The following NTRK2 variants were observed in gnomAD, a reference collection of about 807,000 sequenced individuals.
The protein encoded by NTRK2 is BDNF/NT-3 growth factors receptor.
Under a neutral mutation model 94.5 loss-of-function variants are expected in NTRK2, and 13 were observed. The ratio of observed to expected loss-of-function variants is 0.14; its 90% CI spans 0.09 to 0.22. NTRK2 has a LOEUF of 0.22. Among genes scored for constraint, NTRK2 ranks in the 10% least tolerant of loss-of-function variants. NTRK2 has a pLI of 1.00. For synonymous variants in NTRK2, 372 were observed against 407.4 expected, an observed-to-expected ratio of 0.91 and a Z score of 1.05; for missense variants, 639 against 1,071.2, an observed-to-expected ratio of 0.60 and a Z score of 5.63.
At chr9:84,816,115 G>T (rs2072372349) in intron 12 of NTRK2, among the ~76,000 whole-genome samples, 1 of 151,892 alleles carries the variant, frequency 6.6e-6, no homozygotes, top group Non-Finnish European at 1.5e-5. Flanking sequence ...TCAATGCTCT[G>T]TTTCTCTATT....
intron 17 of NTRK2, among the ~76,000 whole-genome samples, chr9:84,962,313 C>T (rs576611969): frequency 2.3e-4 from 35 of 152,310 alleles, no homozygotes; most frequent in African/African-American, 8.2e-4. Flanking sequence ...AATCTCTTTC[C>T]TTGATGCAGA....
At chr9:84,673,915 A>C (rs1008403651) in intron 2 of NTRK2, among the ~76,000 whole-genome samples, 6 of 152,248 alleles carry the variant, frequency 3.9e-5, no homozygotes, top group African/African-American at 1.4e-4. Context: ...TGGTTATACC[A>C]CAGCAGTGTT....
At chr9:84,887,121 A>G (rs541777095) in intron 14 of NTRK2, among the ~76,000 whole-genome samples, 2 of 152,286 alleles carry the variant, frequency 1.3e-5, no homozygotes. Flanking sequence ...GGCGGAAAGT[A>G]TGTGGTTCAT....
At chr9:84,924,324 T>C (rs940233937) in intron 14 of NTRK2, among the ~76,000 whole-genome samples, 3 of 149,648 alleles carry the variant, frequency 2.0e-5, no homozygotes, top group African/African-American at 7.4e-5. Flanking sequence ...ATGCACACAG[T>C]GTGGGAGGTA....
At chr9:84,932,072 T>C (rs1024465642) in intron 14 of NTRK2, among the ~76,000 whole-genome samples, 1 of 152,220 alleles carries the variant, frequency 6.6e-6, no homozygotes, top group African/African-American at 2.4e-5. Flanking sequence ...CTGAACCACA[T>C]GAATTATCGG....
chr9:84,867,506 T>C (rs2132064147), intron 14 of NTRK2, 75 bp downstream of exon 14: 1 of 1,252,318 alleles, frequency 8.0e-7, no homozygotes, highest in Admixed American at 1.7e-5. Context: ...TCAGAGCCCC[T>C]GATAGGGATG....
rs1564548225 is a variant in NTRK2, at chr9:85,010,522, C to T, written c.2173-9684C>T. 2.0e-5 allele frequency among the ~76,000 whole-genome samples: 3 copies of T among 152,296 alleles called. No individual in the cohort carries two copies. In the South Asian group the frequency reaches 6.2e-4, roughly 32 times the overall value. ...TATAGCTTTGGAATGCACAACTTCC[C>T]ATTGCTGAGTGATGTGTAAACACAA... On this transcript the variant is annotated intron_variant, in intron 17 of 18. Coordinates refer to ENST00000277120, the MANE Select transcript of NTRK2 (RefSeq NM_006180.6).
intron 17 of NTRK2, among the ~76,000 whole-genome samples, chr9:85,016,242 C>T (rs1832210597): frequency 6.6e-6 from 1 of 152,156 alleles, no homozygotes; most frequent in Non-Finnish European, 1.5e-5. Flanking sequence ...AGGGTACCTG[C>T]TCAAGCTGGT....
chr9:84,789,225 T>C (rs1588613653), intron 12 of NTRK2, among the ~76,000 whole-genome samples: 1 of 152,236 alleles, frequency 6.6e-6, no homozygotes, highest in African/African-American at 2.4e-5. Context: ...CTACTGCCTG[T>C]CCTCAGGTAT....
intron 14 of NTRK2, chr9:84,871,933 T>C: frequency 6.2e-7 from 1 of 1,605,990 alleles, no homozygotes; most frequent in East Asian, 2.2e-5. Flanking sequence ...CCAGACAACA[T>C]CTTGACGTCA....
At chr9:85,017,078 A>G (rs1037374941) in intron 17 of NTRK2, among the ~76,000 whole-genome samples, 1 of 152,218 alleles carries the variant, frequency 6.6e-6, no homozygotes, top group African/African-American at 2.4e-5. Flanking sequence ...GACCAAAAAA[A>G]GTGGGTGCTG....
chr9:84,787,310 CAAACAAACA>C (rs1474378714), intron 12 of NTRK2, among the ~76,000 whole-genome samples: 1 of 151,494 alleles, frequency 6.6e-6, no homozygotes, highest in Non-Finnish European at 1.5e-5. Context: ...AACAAACAAA[CAAACAAACA>C]AAACAAACAA....
intron 14 of NTRK2, among the ~76,000 whole-genome samples, chr9:84,911,448 T>C (rs751224924): frequency 6.6e-6 from 1 of 152,172 alleles, no homozygotes; most frequent in Non-Finnish European, 1.5e-5. Context: ...AAATTCAATT[T>C]CCTTAAAAGT....
chr9:84,984,366 G>A (rs190653132), intron 17 of NTRK2, among the ~76,000 whole-genome samples: 1 of 152,242 alleles, frequency 6.6e-6, no homozygotes, highest in Non-Finnish European at 1.5e-5. Flanking sequence ...CCAGCTACTT[G>A]GTGGCTGAGG....
At chr9:84,855,294 A>G in intron 12 of NTRK2, among the ~76,000 whole-genome samples, 1 of 152,234 alleles carries the variant, frequency 6.6e-6, no homozygotes. Flanking sequence ...GAAGAAATCT[A>G]GGTGAGAGAT....
chr9:84,702,260 A>T lies in NTRK2; in HGVS notation c.287+27A>T, dbSNP rs1340234634. The T allele has an allele frequency of 1.9e-6, 3 of 1,612,844 alleles. No homozygotes were observed. The Admixed American group carries it at 5.0e-5, about 27-fold the overall frequency. On this transcript the variant is annotated intron_variant, in intron 3 of 18. Transcript: ENST00000277120. ...TGAGTACTCAGGACCAGGGCACATT[A>T]TCTCAGAGAATTTTCCTGTTGTCTG...
At chr9:84,718,771 T>C (rs140787702) in intron 6 of NTRK2, among the ~76,000 whole-genome samples, 2 of 152,364 alleles carry the variant, frequency 1.3e-5, no homozygotes, top group African/African-American at 2.4e-5. Context: ...AAATGGTTGA[T>C]CCTGCCTTGG....
At chr9:84,682,113 C>T (rs1341566939) in intron 2 of NTRK2, among the ~76,000 whole-genome samples, 2 of 152,158 alleles carry the variant, frequency 1.3e-5, no homozygotes, top group Non-Finnish European at 2.9e-5. Flanking sequence ...ACTTGAAGTA[C>T]TTTGGCCCAG....
intron 14 of NTRK2, among the ~76,000 whole-genome samples, chr9:84,882,855 C>G (rs1233892715): frequency 6.6e-6 from 1 of 152,184 alleles, no homozygotes; most frequent in East Asian, 1.9e-4. Context: ...CCTCCGCCTC[C>G]TGGGTTCAAG....
Sources: allele counts gnomAD v4.1 joint callset (sites outside exome capture counted in the v4.1 genomes callset), GRCh38; gene constraint gnomAD v4.1.1; transcripts MANE v1.5; gene names NCBI Gene and HGNC (gene_info 2026-07-23, HGNC 2026-07-21).